Variants in MLLT3 observed in about 807,000 individuals in gnomAD.
The protein encoded by MLLT3 is protein AF-9.
MLLT3 carries 4 observed loss-of-function variants against 53.2 expected under a neutral mutation model. The observed-to-expected ratio is 0.08, with a 90% CI of 0.04 to 0.17. The LOEUF (loss-of-function observed/expected upper bound fraction) is 0.17. Among genes scored for constraint, MLLT3 ranks in the 10% least tolerant of loss-of-function variants. The pLI, the probability that MLLT3 is intolerant of heterozygous loss-of-function variation, is 1.00. For synonymous variants in MLLT3, 283 were observed against 230.6 expected (o/e 1.23, Z -2.06); for missense variants, 569 against 684.0 (o/e 0.83, Z 1.87).
At chr9:20,606,753 G>C (rs1402106670) in intron 2 of MLLT3, among the ~76,000 whole-genome samples, 1 of 151,946 alleles carries the variant, frequency 6.6e-6, no homozygotes, top group Non-Finnish European at 1.5e-5. Context: ...CTAGGGTACT[G>C]CACCCTGTCT....
At chr9:20,520,161 A>G (rs555531626) in intron 2 of MLLT3, among the ~76,000 whole-genome samples, 16 of 152,166 alleles carry the variant, frequency 1.1e-4, no homozygotes, top group Non-Finnish European at 5.9e-5. Context: ...GAACACATGG[A>G]CACATAGAGG....
At position 20,421,018 on chromosome 9, in the gene MLLT3, C is replaced by T. The variant is rs191098034; in HGVS notation, c.421-6593G>A. 7.1e-4 allele frequency among the ~76,000 whole-genome samples: 108 copies of T among 152,248 alleles called. 1 individual carries two copies. The Middle Eastern group carries it at 0.01, about 14-fold the overall frequency. ...GTGGCTCACACCTGTAATCCCAGCACTTTGGGAGGCTGAGGCAGGTGGATC... is the reference window on the plus strand; with the variant it reads ...GTGGCTCACACCTGTAATCCCAGCATTTTGGGAGGCTGAGGCAGGTGGATC... On this transcript the variant is annotated intron_variant, in intron 4 of 10. Coordinates refer to ENST00000380338, the MANE Select transcript of MLLT3 (RefSeq NM_004529.4).
chr9:20,523,504 G>A (rs1164645123), intron 2 of MLLT3, among the ~76,000 whole-genome samples: 2 of 152,122 alleles, frequency 1.3e-5, no homozygotes, highest in Non-Finnish European at 1.5e-5. Flanking sequence ...ATAAACTGTG[G>A]TACCTCCACC....
At chr9:20,394,387 T>A (rs906561985) in intron 5 of MLLT3, among the ~76,000 whole-genome samples, 2 of 152,174 alleles carry the variant, frequency 1.3e-5, no homozygotes, top group Non-Finnish European at 2.9e-5. Flanking sequence ...CTATGATTCT[T>A]CCTACCTAGA....
intron 2 of MLLT3, among the ~76,000 whole-genome samples, chr9:20,546,247 A>G (rs552573817): frequency 6.6e-6 from 1 of 152,290 alleles, no homozygotes; most frequent in African/African-American, 2.4e-5. Context: ...ATATAACACA[A>G]TCTACACATG....
At chr9:20,619,379 G>C (rs1820929198) in intron 2 of MLLT3, among the ~76,000 whole-genome samples, 1 of 150,592 alleles carries the variant, frequency 6.6e-6, no homozygotes, top group Non-Finnish European at 1.5e-5. Context: ...CCCATTACAT[G>C]AGCTCTGGAA....
chr9:20,474,433 T>A (rs1035841232), intron 2 of MLLT3, among the ~76,000 whole-genome samples: 3 of 152,116 alleles, frequency 2.0e-5, no homozygotes, highest in African/African-American at 7.2e-5. Flanking sequence ...TGAAGCCAAT[T>A]ACTCTCAAGG....
intron 2 of MLLT3, among the ~76,000 whole-genome samples, chr9:20,488,265 A>C (rs1471515137): frequency 6.6e-6 from 1 of 152,122 alleles, no homozygotes; most frequent in Non-Finnish European, 1.5e-5. Flanking sequence ...GTAACAAAAA[A>C]GCTCTGAGGA....
chr9:20,497,841 G>C (rs1482442716), intron 2 of MLLT3, among the ~76,000 whole-genome samples: 1 of 151,980 alleles, frequency 6.6e-6, no homozygotes, highest in African/African-American at 2.4e-5. Flanking sequence ...AGAATGATTG[G>C]GTAGGTATGT....
chr9:20,559,669 A>C (rs1160234865), intron 2 of MLLT3, among the ~76,000 whole-genome samples: 1 of 152,152 alleles, frequency 6.6e-6, no homozygotes, highest in Non-Finnish European at 1.5e-5. Flanking sequence ...GGCATCCTTT[A>C]ATTTGAGTGC....
At chr9:20,402,722 A>G (rs755420612) in intron 5 of MLLT3, among the ~76,000 whole-genome samples, 1 of 152,184 alleles carries the variant, frequency 6.6e-6, no homozygotes, top group Non-Finnish European at 1.5e-5. Context: ...TCCCAGAGAC[A>G]ATAAAGGATG....
chr9:20,346,491 G>C lies in MLLT3; in HGVS notation c.1659C>G (p.Thr553=), dbSNP rs750628111. 6.2e-7 allele frequency: 1 copy of C among 1,613,518 alleles called. No individual in the cohort carries two copies. The highest frequency in any genetic ancestry group is 2.2e-5 in the East Asian group (1 of 44,844). ...FDFDLCSLDK[T]TVRKLQSYLE... Reference sequence around the variant, plus strand: ...GGTAACTCTGTAGTTTACGGACTGTGGTTTTGTCCAGCGAGCAAAGATCAA... The same window carrying C: ...GGTAACTCTGTAGTTTACGGACTGTCGTTTTGTCCAGCGAGCAAAGATCAA... The change falls in exon 11 of 11, where the codon ACC becomes ACG. Residue 553 remains threonine, a synonymous_variant. Transcript: ENST00000380338.
intron 5 of MLLT3, among the ~76,000 whole-genome samples, chr9:20,371,764 G>C (rs1351974022): frequency 6.6e-6 from 1 of 152,218 alleles, no homozygotes; most frequent in African/African-American, 2.4e-5. Flanking sequence ...TGTAGCTCAT[G>C]AATCAAGAAG....
At chr9:20,614,246 T>C (rs1004535520) in intron 2 of MLLT3, among the ~76,000 whole-genome samples, 1 of 151,942 alleles carries the variant, frequency 6.6e-6, no homozygotes, top group Non-Finnish European at 1.5e-5. Flanking sequence ...AATACAAAAT[T>C]AGCCGGGCGT....
At chr9:20,432,463 G>C (rs1034144526) in intron 4 of MLLT3, among the ~76,000 whole-genome samples, 2 of 152,000 alleles carry the variant, frequency 1.3e-5, no homozygotes, top group African/African-American at 4.8e-5. Flanking sequence ...TTCTATGGAA[G>C]TATTATATTG....
intron 2 of MLLT3, among the ~76,000 whole-genome samples, chr9:20,488,202 A>C (rs1824860140): frequency 6.6e-6 from 1 of 152,098 alleles, no homozygotes; most frequent in South Asian, 2.1e-4. Context: ...AGGGGTCAGA[A>C]GGAGGGGGGA....
intron 5 of MLLT3, among the ~76,000 whole-genome samples, chr9:20,379,427 T>C (rs968918294): frequency 7.9e-5 from 12 of 151,688 alleles, no homozygotes; most frequent in African/African-American, 2.9e-4. Flanking sequence ...GTGAGAACAA[T>C]TGGAATTTAG....
intron 5 of MLLT3, among the ~76,000 whole-genome samples, chr9:20,373,235 C>T (rs970311299): frequency 1.3e-5 from 2 of 152,130 alleles, no homozygotes; most frequent in African/African-American, 4.8e-5. Flanking sequence ...CTATCATTTA[C>T]AATAGGTCAC....
At chr9:20,524,128 T>TAC (rs1818140188) in intron 2 of MLLT3, among the ~76,000 whole-genome samples, 1 of 152,152 alleles carries the variant, frequency 6.6e-6, no homozygotes, top group South Asian at 2.1e-4. Flanking sequence ...GATGTCATTA[T>TAC]ACACTTATCC....
Sources: gnomAD v4.1 joint callset for allele counts (sites outside exome capture counted in the v4.1 genomes callset) on GRCh38, gnomAD v4.1.1 for gene constraint, MANE v1.5 for transcripts, NCBI Gene and HGNC (gene_info 2026-07-23, HGNC 2026-07-21) for gene names.